The following KCNS3 variants were observed in gnomAD, a reference collection of about 807,000 sequenced individuals.
The protein encoded by KCNS3 is potassium voltage-gated channel modifier subfamily S member 3.
A neutral mutation model predicts 31.0 loss-of-function variants in KCNS3; 13 were observed. The ratio of observed to expected loss-of-function variants is 0.42; its 90% confidence interval spans 0.27 to 0.67. The LOEUF (loss-of-function observed/expected upper bound fraction) is 0.67. KCNS3 is among the 30% of genes least tolerant of loss of function. The pLI is 0.25. For synonymous variants in KCNS3, 238 were observed against 241.5 expected (o/e 0.99, Z 0.13); for missense variants, 545 against 622.4 (o/e 0.88, Z 1.32).
At chr2:17,908,275 G>A (rs971963064) in intron 1 of KCNS3, among the ~76,000 whole-genome samples, 10 of 152,008 alleles carry the variant, frequency 6.6e-5, no homozygotes, top group Admixed American at 3.9e-4. Context: ...TTGTGCATTC[G>A]TCATGTAGTT....
intron 1 of KCNS3, 90 bp from the exon 2 acceptor site, chr2:17,917,590 C>T (rs1564004): frequency 0.24 from 35,786 of 152,182 alleles, 5,013 homozygotes; most frequent in East Asian, 0.36. Context: ...GTCTCATCAG[C>T]AAAGTGCCCA....
rs189950608 is a variant in KCNS3, at chr2:17,889,148, T to C, written c.-252+10342T>C. Among the ~76,000 whole-genome samples, 179 of 152,300 alleles carry C rather than the reference T, an allele frequency of 1.2e-3. 1 individual carries two copies. The highest frequency in any genetic ancestry group is 4.0e-3 in the African/African-American group (165 of 41,572). Reference sequence around the variant, plus strand: ...TCCTTGTAGAAGTCTTTTGACTCCTTTGTTAGGTATATTCCTAAGTATTTT... The same window carrying C: ...TCCTTGTAGAAGTCTTTTGACTCCTCTGTTAGGTATATTCCTAAGTATTTT... On this transcript the variant is annotated intron_variant, in intron 1 of 2. Transcript: ENST00000304101.
At chr2:17,892,237 A>G (rs937494369) in intron 1 of KCNS3, among the ~76,000 whole-genome samples, 3 of 150,314 alleles carry the variant, frequency 2.0e-5, no homozygotes, top group Non-Finnish European at 2.9e-5. Context: ...TTTCCAGAGC[A>G]TTTCACATTT....
At chr2:17,886,993 A>G (rs1241680939) in intron 1 of KCNS3, among the ~76,000 whole-genome samples, 2 of 143,844 alleles carry the variant, frequency 1.4e-5, no homozygotes, top group African/African-American at 5.6e-5. Context: ...GAATGTCAGC[A>G]TGGTGCATCT....
chr2:17,921,715 C>A (rs1464736553), intron 2 of KCNS3, among the ~76,000 whole-genome samples: 1 of 151,476 alleles, frequency 6.6e-6, no homozygotes, highest in Non-Finnish European at 1.5e-5. Flanking sequence ...CATTTTCAAA[C>A]AACCAGATCT....
chr2:17,904,171 T>C (rs201967897), intron 1 of KCNS3, among the ~76,000 whole-genome samples: 2 of 152,250 alleles, frequency 1.3e-5, no homozygotes, highest in Non-Finnish European at 2.9e-5. Flanking sequence ...TGAGATGGTA[T>C]CTCATTGTGG....
upstream of KCNS3, chr2:17,878,550 G>A (rs2125227701): frequency 6.6e-6 from 1 of 150,478 alleles, no homozygotes; most frequent in Non-Finnish European, 1.5e-5. Context: ...GCGAGGGGCT[G>A]GCGGAGCTGC....
chr2:17,897,721 G>A (rs1470659407), intron 1 of KCNS3, among the ~76,000 whole-genome samples: 2 of 152,062 alleles, frequency 1.3e-5, no homozygotes, highest in African/African-American at 2.4e-5. Flanking sequence ...CCATTCTATA[G>A]GCTGTCTGTT....
chr2:17,901,190 A>G (rs1662165984), intron 1 of KCNS3, among the ~76,000 whole-genome samples: 1 of 152,216 alleles, frequency 6.6e-6, no homozygotes, highest in African/African-American at 2.4e-5. Context: ...TGTTAAGGGT[A>G]ACTTCAGCTT....
chr2:17,923,501 T>G (rs1419765028), intron 2 of KCNS3, among the ~76,000 whole-genome samples: 1 of 152,160 alleles, frequency 6.6e-6, no homozygotes, highest in Non-Finnish European at 1.5e-5. Flanking sequence ...AACTATTTTT[T>G]CTTTATTTTT....
At chr2:17,903,119 G>C (rs1204865647) in intron 1 of KCNS3, among the ~76,000 whole-genome samples, 1 of 152,202 alleles carries the variant, frequency 6.6e-6, no homozygotes, top group African/African-American at 2.4e-5. Context: ...CAGTGGGCAA[G>C]AGAGACTTTA....
intron 1 of KCNS3, among the ~76,000 whole-genome samples, chr2:17,880,151 G>C (rs1489085022): frequency 6.6e-6 from 1 of 152,210 alleles, no homozygotes; most frequent in East Asian, 1.9e-4. Flanking sequence ...CAGGAAGCAC[G>C]CACCTATCTC....
At chr2:17,911,736 A>T (rs1390511656) in intron 1 of KCNS3, among the ~76,000 whole-genome samples, 2 of 152,230 alleles carry the variant, frequency 1.3e-5, no homozygotes, top group African/African-American at 4.8e-5. Flanking sequence ...TGACTTTTTA[A>T]TGGTTTTACA....
chr2:17,899,747 A>G (rs979088306), intron 1 of KCNS3, among the ~76,000 whole-genome samples: 10 of 152,266 alleles, frequency 6.6e-5, no homozygotes, highest in Non-Finnish European at 1.2e-4. Flanking sequence ...TGTAATGGAC[A>G]TTACAAAGAA....
intron 1 of KCNS3, among the ~76,000 whole-genome samples, chr2:17,903,806 C>T (rs909240357): frequency 2.0e-5 from 3 of 152,168 alleles, no homozygotes; most frequent in African/African-American, 7.2e-5. Context: ...TTTATGGCTG[C>T]ATAGTATTCC....
chr2:17,906,103 G>T (rs1361973885), intron 1 of KCNS3, among the ~76,000 whole-genome samples: 1 of 152,100 alleles, frequency 6.6e-6, no homozygotes, highest in Non-Finnish European at 1.5e-5. Flanking sequence ...ACTTTTTTTG[G>T]TTGGTAGGCT....
Position 17,931,126 on chromosome 2 carries a change from A to G in KCNS3, c.118A>G (p.Arg40Gly). ...CACCCTCCTGCGGTTTCCTCACACC[A>G]GACTGGGGAAGCTGCTTACTTGCCA... is the stretch of plus-strand genomic sequence containing the variant. ...QSTLLRFPHT[R>G]LGKLLTCHSE... Residue 40 changes from arginine (R) to glycine (G), a missense_variant, in exon 3 of 3, where the codon AGA becomes GGA. Physicochemically the swap from Arg to Gly is moderately radical, Grantham distance 125. Transcript: ENST00000304101. The surrounding 1 kb of genome is among the most constrained non-coding windows in gnomAD (Gnocchi z 5.4). The G allele has an allele frequency of 6.2e-7, 1 of 1,614,222 alleles. No homozygotes were observed. The highest frequency in any genetic ancestry group is 1.1e-5 in the South Asian group (1 of 91,088).
At chr2:17,930,871 C>T (rs1482079170) in intron 2 of KCNS3, 79 bp from the exon 3 acceptor site, 6 of 883,082 alleles carry the variant, frequency 6.8e-6, no homozygotes, top group Non-Finnish European at 1.0e-5. Context: ...AGCCCATCCT[C>T]CTGGAAAGGG....
intron 2 of KCNS3, among the ~76,000 whole-genome samples, chr2:17,928,448 GT>G (rs1281279647): frequency 2.0e-5 from 3 of 152,052 alleles, no homozygotes; most frequent in African/African-American, 7.2e-5. Flanking sequence ...TGTATTTTTT[GT>G]AGAGATGGGG....
Sources: gnomAD v4.1 joint callset for allele counts (sites outside exome capture counted in the v4.1 genomes callset) on GRCh38, gnomAD v4.1.1 for gene constraint, Gnocchi (gnomAD v3.1) non-coding constraint, MANE v1.5 for transcripts, NCBI Gene and HGNC (gene_info 2026-07-23, HGNC 2026-07-21) for gene names.